Variants in SLC25A40 observed in about 807,000 individuals in gnomAD.
SLC25A40 encodes the protein mitochondrial glutathione transporter SLC25A40.
Under a neutral mutation model 46.5 loss-of-function variants are expected in SLC25A40, and 41 were observed. The observed-to-expected ratio is 0.88, with a 90% CI of 0.69 to 1.14. The LOEUF (loss-of-function observed/expected upper bound fraction) is 1.14. SLC25A40 is among the 50% of genes most tolerant of loss of function. The probability of loss-of-function intolerance (pLI) is 0.00; values close to 1 mark genes in which losing one functional copy is unlikely to be tolerated. For synonymous variants in SLC25A40, 126 were observed against 127.5 expected (o/e 0.99, Z 0.08); for missense variants, 386 against 393.6 (o/e 0.98, Z 0.16).
chr7:87,864,867 TTCTAACTTG>T (rs1584336741), intron 1 of SLC25A40, among the ~76,000 whole-genome samples: 2 of 152,198 alleles, frequency 1.3e-5, no homozygotes, highest in African/African-American at 4.8e-5. Context: ...AATGGCTGTT[TTCTAACTTG>T]TCTCCTCTTC....
intron 5 of SLC25A40, among the ~76,000 whole-genome samples, chr7:87,854,002 G>A (rs1461810168): frequency 1.3e-5 from 2 of 152,046 alleles, no homozygotes; most frequent in African/African-American, 4.8e-5. Context: ...AAATAAAAAT[G>A]TTTAGTTTTT....
chr7:87,865,432 T>C (rs1327797965), intron 1 of SLC25A40, among the ~76,000 whole-genome samples: 1 of 152,212 alleles, frequency 6.6e-6, no homozygotes, highest in Admixed American at 6.5e-5. Context: ...TTATGCTTCA[T>C]ACTAGAGTTA....
chr7:87,867,505 T>G lies in SLC25A40; in HGVS notation c.-93-6865A>C, dbSNP rs144968260. Among the ~76,000 whole-genome samples the G allele has an allele frequency of 3.9e-3, 591 of 152,358 alleles. 7 individuals carry two copies. Among genetic ancestry groups the G allele is most frequent in the African/African-American group, 0.014 (564 of 41,594 alleles). ...TCTGGAATTTTTTTTTGTTTTATCT[T>G]GGAGATCACTAAGTTTACTTAAAAC... On this transcript the variant is annotated intron_variant, in intron 1 of 11. Coordinates refer to ENST00000341119, the MANE Select transcript of SLC25A40 (RefSeq NM_018843.4).
At chr7:87,854,425 A>G in intron 4 of SLC25A40, 115 bp from the exon 5 acceptor site, 1 of 641,840 alleles carries the variant, frequency 1.6e-6, no homozygotes, top group Non-Finnish European at 2.7e-6. Flanking sequence ...AAGAGAAACA[A>G]TCTTGAAAAA....
chr7:87,835,848 A>C lies in SLC25A40; in HGVS notation c.*401T>G, dbSNP rs919130338. 6.4e-6 allele frequency: 1 copy of C among 155,608 alleles called. No individual in the cohort carries two copies. The highest frequency in any genetic ancestry group is 2.4e-5 in the African/African-American group (1 of 41,438). The allele number at this position is 155,608 out of a possible 1,614,324, so 9.6% of individuals were successfully genotyped here. On this transcript the variant is annotated 3_prime_UTR_variant, in exon 12 of 12. Transcript: ENST00000341119. ...GGAAATACTTATGTACACGATTTAA[A>C]TGTGCACAAGACTTGGGCTTTTTTC...
chr7:87,870,364 T>G (rs1314687071), intron 1 of SLC25A40, among the ~76,000 whole-genome samples: 2 of 152,086 alleles, frequency 1.3e-5, no homozygotes, highest in Admixed American at 1.3e-4. Context: ...AAAACGTCAC[T>G]TTCAAGATTA....
chr7:87,874,925 T>C (rs1199625634), intron 1 of SLC25A40, among the ~76,000 whole-genome samples: 2 of 152,232 alleles, frequency 1.3e-5, no homozygotes, highest in Non-Finnish European at 2.9e-5. Flanking sequence ...GGCAATTTCA[T>C]TTCCTCCCAA....
chr7:87,850,369 AACAG>A (rs1838489286), intron 5 of SLC25A40, among the ~76,000 whole-genome samples: 2 of 152,338 alleles, frequency 1.3e-5, no homozygotes, highest in South Asian at 2.1e-4. Context: ...GTCTTCTATT[AACAG>A]ACAGACTCTT....
rs1562743629 is a variant in SLC25A40, at chr7:87,847,051, CG to C, written c.528del (p.Tyr176Ter). On this transcript the variant is annotated frameshift_variant, in exon 8 of 12. Transcript: ENST00000341119. LOFTEE classifies it high-confidence loss of function. ...TTGCTGACAAATCGATGCAGTTCCA[CG>C]TAAGAAAACTTCTTGGACTGCATCT... ...RTKMQSKKFS[Y>X]VELHRFVSKK... The C allele has an allele frequency of 6.2e-7, 1 of 1,613,632 alleles. No homozygotes were observed. The highest frequency in any genetic ancestry group is 8.5e-7 in the Non-Finnish European group (1 of 1,179,778).
At chr7:87,860,988 G>C (rs1395239281) in intron 1 of SLC25A40, among the ~76,000 whole-genome samples, 2 of 152,130 alleles carry the variant, frequency 1.3e-5, no homozygotes, top group East Asian at 3.8e-4. Context: ...ATCTATGACG[G>C]TTGTTTTTTT....
chr7:87,847,978 C>CT lies in SLC25A40; in HGVS notation c.333-2dup, dbSNP rs752612365. On this transcript the variant is annotated splice_acceptor_variant, in intron 6 of 11. Coordinates refer to ENST00000341119, the MANE Select transcript of SLC25A40 (RefSeq NM_018843.4). LOFTEE classifies it high-confidence loss of function. Reference sequence around the variant, plus strand: ...AACTGTGGCAGGAACTGCCATCACTCTGTTAGATCACACAAAAAGATTTGT... The same window carrying CT: ...AACTGTGGCAGGAACTGCCATCACTCTTGTTAGATCACACAAAAAGATTTGT... 4.4e-6 allele frequency: 7 copies of CT among 1,598,372 alleles called. No individual in the cohort carries two copies. The African/African-American group carries it at 9.4e-5, about 22-fold the overall frequency.
chr7:87,850,577 G>A (rs1224290349), intron 5 of SLC25A40, among the ~76,000 whole-genome samples: 2 of 152,034 alleles, frequency 1.3e-5, no homozygotes, highest in Non-Finnish European at 2.9e-5. Flanking sequence ...ACATCAGCCT[G>A]GGCAATATAG....
chr7:87,841,947 C>A, intron 9 of SLC25A40: 1 of 354,236 alleles, frequency 2.8e-6, no homozygotes, highest in Non-Finnish European at 5.4e-6. Flanking sequence ...TGAGGTCACA[C>A]AGCTACTAGT....
At chr7:87,870,060 G>A (rs538679637) in intron 1 of SLC25A40, among the ~76,000 whole-genome samples, 2 of 151,986 alleles carry the variant, frequency 1.3e-5, no homozygotes, top group East Asian at 3.9e-4. Context: ...GTTATGTTAT[G>A]CATAACAATT....
At chr7:87,864,776 T>C (rs1048621038) in intron 1 of SLC25A40, among the ~76,000 whole-genome samples, 2 of 152,196 alleles carry the variant, frequency 1.3e-5, no homozygotes, top group Non-Finnish European at 2.9e-5. Context: ...CCATTCTGTG[T>C]CTTTAAGCTG....
At chr7:87,862,570 G>C (rs1443189851) in intron 1 of SLC25A40, among the ~76,000 whole-genome samples, 2 of 152,186 alleles carry the variant, frequency 1.3e-5, no homozygotes, top group African/African-American at 2.4e-5. Context: ...ATTTAAGCCA[G>C]AAGACAGAAC....
intron 1 of SLC25A40, among the ~76,000 whole-genome samples, chr7:87,875,141 A>G (rs1838968613): frequency 3.3e-5 from 5 of 152,268 alleles, no homozygotes; most frequent in Admixed American, 3.3e-4. Context: ...GATTGACATC[A>G]ATAGACCTTG....
chr7:87,862,280 G>A (rs771895936), intron 1 of SLC25A40, among the ~76,000 whole-genome samples: 47 of 152,124 alleles, frequency 3.1e-4, no homozygotes, highest in Admixed American at 3.9e-4. Context: ...TGTAATAGTA[G>A]AACATCTCAT....
chr7:87,845,598 C>T (rs1838403951), intron 8 of SLC25A40, among the ~76,000 whole-genome samples: 1 of 152,046 alleles, frequency 6.6e-6, no homozygotes, highest in Non-Finnish European at 1.5e-5. Flanking sequence ...AATTGTCTTC[C>T]ACAAAACCAG....
Sources: allele counts gnomAD v4.1 joint callset (sites outside exome capture counted in the v4.1 genomes callset), GRCh38; gene constraint gnomAD v4.1.1; transcripts MANE v1.5; gene names NCBI Gene and HGNC (gene_info 2026-07-23, HGNC 2026-07-21).